Variants in FRYL observed in about 807,000 individuals in gnomAD.
The protein encoded by FRYL is protein furry homolog-like.
In FRYL, 150 loss-of-function variants were observed where a neutral mutation model predicts 351.2. The observed-to-expected ratio is 0.43, with a 90% CI of 0.37 to 0.49. The LOEUF (loss-of-function observed/expected upper bound fraction) is 0.49, where lower values mean the gene tolerates loss of function less well. FRYL is among the 20% of genes least tolerant of loss of function. The pLI is 0.00. For missense variants in FRYL, 3,036 were observed against 3,619.3 expected (o/e 0.84, Z 4.13); for synonymous variants, 1,153 against 1,257.1 (o/e 0.92, Z 1.75).
chr4:48,658,584 C>CAAAAAAAAAA (rs11388062), intron 3 of FRYL, among the ~76,000 whole-genome samples: 101 of 95,610 alleles, frequency 1.1e-3, no homozygotes, highest in East Asian at 1.7e-3. Flanking sequence ...CAAAAAAATA[C>CAAAAAAAAAA]AAAAAAAAAA....
At chr4:48,667,886 G>T (rs1017914708) in intron 3 of FRYL, among the ~76,000 whole-genome samples, 1 of 152,204 alleles carries the variant, frequency 6.6e-6, no homozygotes, top group Admixed American at 6.5e-5. Flanking sequence ...GGCCTCAGGT[G>T]ATCCACCCAC....
Position 48,710,600 on chromosome 4 carries a change from T to C in FRYL, c.-285A>G, listed in dbSNP as rs141122428. The C allele has an allele frequency of 2.3e-4, 92 of 398,600 alleles. No individual in the cohort carries two copies. The Admixed American group carries it at 3.5e-3, about 15-fold the overall frequency. 24.7% of individuals were successfully genotyped at this position (398,600 alleles called of 1,614,324 possible). On this transcript the variant is annotated 5_prime_UTR_variant, in exon 2 of 64. Coordinates refer to ENST00000358350, the MANE Select transcript of FRYL (RefSeq NM_015030.2). ...AGGATCCATCTAGAAGCTTTTTTGA[T>C]CTGGAGCTTGTACTTTACAGGCACT... is the stretch of plus-strand genomic sequence containing the variant.
At chr4:48,551,071 A>T (rs1025211764) in intron 37 of FRYL, among the ~76,000 whole-genome samples, 1 of 151,410 alleles carries the variant, frequency 6.6e-6, no homozygotes, top group Non-Finnish European at 1.5e-5. Context: ...ATCTCAATAA[A>T]AAAAAAAAAA....
rs1759722450 is a variant in FRYL at position 48,658,536 on chromosome 4, A to T, written c.-80-24046T>A. Among the ~76,000 whole-genome samples, 3 of 148,792 alleles carry T rather than the reference A, an allele frequency of 2.0e-5. No individual in the cohort carries two copies. The South Asian group carries it at 6.5e-4, about 32-fold the overall frequency. On this transcript the variant is annotated intron_variant, in intron 3 of 63. Transcript: ENST00000358350. ...AGGACTGCTTGAGCCCAGGAGTTTG[A>T]GACCAGCCTGGACAACATGGCAAAA...
At chr4:48,556,138 G>A (rs1328068410) in intron 35 of FRYL, among the ~76,000 whole-genome samples, 2 of 152,120 alleles carry the variant, frequency 1.3e-5, no homozygotes, top group African/African-American at 2.4e-5. Context: ...CAGGTGATCC[G>A]CCTGCCTCGG....
intron 1 of FRYL, among the ~76,000 whole-genome samples, chr4:48,770,077 G>A (rs1775359494): frequency 6.6e-6 from 1 of 152,074 alleles, no homozygotes; most frequent in Non-Finnish European, 1.5e-5. Flanking sequence ...CTGTACACAC[G>A]CATATACATA....
At chr4:48,718,427 A>G (rs1378419741) in intron 1 of FRYL, among the ~76,000 whole-genome samples, 2 of 151,622 alleles carry the variant, frequency 1.3e-5, no homozygotes, top group Non-Finnish European at 2.9e-5. Flanking sequence ...TATTCTATTT[A>G]GCCAACCCAA....
At chr4:48,689,795 T>C (rs1765509752) in intron 2 of FRYL, among the ~76,000 whole-genome samples, 1 of 152,130 alleles carries the variant, frequency 6.6e-6, no homozygotes, top group Non-Finnish European at 1.5e-5. Context: ...GCCCTCCTAA[T>C]CCAACCATTA....
intron 33 of FRYL, among the ~76,000 whole-genome samples, chr4:48,558,007 T>TGGGGTTG (rs1734512658): frequency 2.0e-5 from 3 of 152,116 alleles, no homozygotes; most frequent in Non-Finnish European, 4.4e-5. Context: ...GTATGATGGT[T>TGGGGTTG]CCTCAAAAAA....
Position 48,502,833 on chromosome 4 carries a change from GTATTTC to G in FRYL, c.8470_8475del (p.Glu2824_Ile2825del). ...AATCAAGACAGGTCACTTACTGCTA[GTATTTC>G]CATTTGCTAAGCAAGAAGGTGATCA... On this transcript the variant is annotated inframe_deletion, in exon 61 of 64. Coordinates refer to ENST00000358350, the MANE Select transcript of FRYL (RefSeq NM_015030.2). 6.2e-7 allele frequency: 1 copy of G among 1,610,546 alleles called. No homozygotes were observed. The highest frequency in any genetic ancestry group is 1.7e-4 in the Middle Eastern group (1 of 6,044).
chr4:48,689,975 C>CA (rs1765531803), intron 2 of FRYL, among the ~76,000 whole-genome samples: 2 of 149,778 alleles, frequency 1.3e-5, no homozygotes, highest in African/African-American at 2.5e-5. Context: ...CGGCTCACTG[C>CA]AAGCTCCGCC....
chr4:48,511,601 TA>T lies in FRYL; in HGVS notation c.8146-618del, dbSNP rs1722488903. ...CTGTTAGGTGGCATTATGATTAAAATAAAAAGCATAAATCCGCACTTTCAGC... is the reference window on the plus strand; with the variant it reads ...CTGTTAGGTGGCATTATGATTAAAATAAAAGCATAAATCCGCACTTTCAGC... On this transcript the variant is annotated intron_variant, in intron 57 of 63. Coordinates refer to ENST00000358350, the MANE Select transcript of FRYL (RefSeq NM_015030.2). 2.0e-5 allele frequency among the ~76,000 whole-genome samples: 3 copies of T among 152,246 alleles called. No homozygotes were observed. In the South Asian group the frequency reaches 6.2e-4, roughly 32 times the overall value.
At chr4:48,511,817 G>A (rs989472169) in intron 57 of FRYL, among the ~76,000 whole-genome samples, 22 of 152,138 alleles carry the variant, frequency 1.4e-4, no homozygotes, top group African/African-American at 4.8e-4. Context: ...TCCAAGATGG[G>A]CAAAATTTGG....
intron 2 of FRYL, among the ~76,000 whole-genome samples, chr4:48,702,761 A>AG (rs1766903180): frequency 1.0e-5 from 1 of 99,228 alleles, no homozygotes; most frequent in African/African-American, 3.6e-5. Flanking sequence ...ACTCCGTCTC[A>AG]AAAAAAAAAA....
chr4:48,590,611 A>C, intron 17 of FRYL, 48 bp downstream of exon 17: 1 of 1,339,180 alleles, frequency 7.5e-7, no homozygotes, highest in Non-Finnish European at 1.0e-6. Flanking sequence ...TTTATAAAAG[A>C]ATATGAAACT....
At chr4:48,739,990 A>G (rs1027630951) in intron 1 of FRYL, among the ~76,000 whole-genome samples, 3 of 152,168 alleles carry the variant, frequency 2.0e-5, no homozygotes, top group African/African-American at 7.2e-5. Context: ...ACTAGCAAGA[A>G]GGCCCTCATA....
At chr4:48,754,890 C>T (rs544484859) in intron 1 of FRYL, among the ~76,000 whole-genome samples, 1 of 152,164 alleles carries the variant, frequency 6.6e-6, no homozygotes, top group African/African-American at 2.4e-5. Context: ...GATCCACCCG[C>T]CTTGGCCTCC....
intron 1 of FRYL, among the ~76,000 whole-genome samples, chr4:48,718,433 C>G (rs574692001): frequency 1.6e-4 from 25 of 151,606 alleles, no homozygotes; most frequent in Non-Finnish European, 3.1e-4. Flanking sequence ...ATTTAGCCAA[C>G]CCAACTGCAG....
At chr4:48,591,395 CCT>C (rs924547086) in intron 16 of FRYL, among the ~76,000 whole-genome samples, 1 of 152,176 alleles carries the variant, frequency 6.6e-6, no homozygotes, top group Non-Finnish European at 1.5e-5. Context: ...GAATATATCC[CCT>C]TTCTCTTAAA....
Sources: gnomAD v4.1 joint callset for allele counts (sites outside exome capture counted in the v4.1 genomes callset) on GRCh38, gnomAD v4.1.1 for gene constraint, MANE v1.5 for transcripts, NCBI Gene and HGNC (gene_info 2026-07-23, HGNC 2026-07-21) for gene names.